The following PBDC1 variants were observed in gnomAD, a reference collection of about 807,000 sequenced individuals.
PBDC1 encodes protein PBDC1.
A neutral mutation model predicts 12.0 loss-of-function variants in PBDC1; 3 were observed. That is an observed-to-expected ratio of 0.25 (90% CI 0.11 to 0.64). The LOEUF is 0.64. Among genes scored for constraint, PBDC1 ranks in the 30% least tolerant of loss-of-function variants. The probability of loss-of-function intolerance (pLI) is 0.84; values close to 1 mark genes in which losing one functional copy is unlikely to be tolerated. For missense variants in PBDC1, 162 were observed against 168.1 expected, an observed-to-expected ratio of 0.96 and a Z score of 0.20; for synonymous variants, 64 against 56.4, an observed-to-expected ratio of 1.13 and a Z score of -0.60.
chrX:76,178,297 C>T lies in PBDC1; in HGVS notation c.*389C>T. 1 of 208,420 alleles carries T rather than the reference C, an allele frequency of 4.8e-6. No homozygotes were observed. The highest frequency in any genetic ancestry group is 6.5e-5 in the Admixed American group (1 of 15,376). The allele number at this position is 208,420 out of a possible 1,213,427, so 17.2% of individuals were successfully genotyped here. ...CATGTCTTATATAAGATAATTTACT[C>T]CTGTTTCTTACTGCTTCTCACTGTT... On this transcript the variant is annotated 3_prime_UTR_variant, in exon 6 of 6. Transcript: ENST00000373358.
In PBDC1 at chrX:76,176,889, G is replaced by A. The variant is rs201428513; in HGVS notation, c.306G>A (p.Arg102=). The A allele has an allele frequency of 3.5e-3, 4,221 of 1,192,520 alleles. 73 individuals carry two copies. The South Asian group carries it at 0.069, about 20-fold the overall frequency. The change falls in exon 5 of 6, where the codon AGG becomes AGA. Residue 102 remains arginine (R), a synonymous_variant. Coordinates refer to ENST00000373358, the MANE Select transcript of PBDC1 (RefSeq NM_016500.5). ...CGTTTTTGCCTTTATAGAAGTGGAG[G>A]CCATTCTGCTTGAAGTTTAATGGGA... is the stretch of plus-strand genomic sequence containing the variant. The part of the protein sequence containing the change: ...LKSESAKEKW[R]PFCLKFNGIV...
Position 76,177,003 on chromosome X carries a change from T to C in PBDC1, c.409+11T>C. 1 of 1,111,324 alleles carries C rather than the reference T, an allele frequency of 9.0e-7. No homozygotes were observed. Among genetic ancestry groups the C allele is most frequent in the South Asian group, 1.8e-5 (1 of 54,460 alleles). 91.6% of individuals were successfully genotyped at this position (1,111,324 alleles called of 1,213,427 possible). ...AAAACACCATCTTTGGTGAGTTTCTTCCCTCTGGAATTGTTTCTGTGTAAG... is the reference window on the plus strand; with the variant it reads ...AAAACACCATCTTTGGTGAGTTTCTCCCCTCTGGAATTGTTTCTGTGTAAG... On this transcript the variant is annotated intron_variant, in intron 5 of 5. Coordinates refer to ENST00000373358, the MANE Select transcript of PBDC1 (RefSeq NM_016500.5).
At chrX:76,177,060 C>T in intron 5 of PBDC1, 68 bp downstream of exon 5, 1 of 689,501 alleles carries the variant, frequency 1.5e-6, no homozygotes. Context: ...ACTGATGAAT[C>T]AGTGATGTGT....
rs967877213 is a variant in PBDC1, at chrX:76,178,168, A to C, written c.*260A>C. On this transcript the variant is annotated 3_prime_UTR_variant, in exon 6 of 6. Coordinates refer to ENST00000373358, the MANE Select transcript of PBDC1 (RefSeq NM_016500.5). ...GGCTGACACTACTGGTCAAGTAAGA[A>C]ATTTGTAAATAAATTTCTTTTGGTT... is the stretch of plus-strand genomic sequence containing the variant. The C allele has an allele frequency of 5.2e-5, 19 of 368,019 alleles. No individual in the cohort carries two copies. The Admixed American group carries it at 9.5e-4, about 18-fold the overall frequency. The allele number at this position is 368,019 out of a possible 1,213,427, so 30.3% of individuals were successfully genotyped here.
chrX:76,173,567 C>CT lies in PBDC1; in HGVS notation c.31-13dup. 8.5e-7 allele frequency: 1 copy of CT among 1,181,043 alleles called. No individual in the cohort carries two copies. ...CCGGCCTTGGGGGGAGCCTTGAACT[C>CT]TTTTTCCTCCTTTCTAGGTTTCCGG... On this transcript the variant is annotated splice_polypyrimidine_tract_variant and intron_variant, in intron 1 of 5. Transcript: ENST00000373358.
rs375464603 is a variant in PBDC1 at position 76,175,532 on chromosome X, C to T, written c.216C>T (p.Tyr72=). 51 of 1,204,530 alleles carry T rather than the reference C, an allele frequency of 4.2e-5. No homozygotes were observed. In the African/African-American group the frequency reaches 7.9e-4, roughly 19 times the overall value. The change falls in exon 4 of 6, where the codon TAC becomes TAT. Residue 72 remains tyrosine (Y), a synonymous_variant. Coordinates refer to ENST00000373358, the MANE Select transcript of PBDC1 (RefSeq NM_016500.5). ...LKLTKVDDQI[Y]SEFRKNFETL... Reference sequence around the variant, plus strand: ...TCACCAAAGTAGATGACCAAATTTACTCTGAGTTCCGGAAAAATTTTGAGA... The same window carrying T: ...TCACCAAAGTAGATGACCAAATTTATTCTGAGTTCCGGAAAAATTTTGAGA...
intron 4 of PBDC1, among the ~76,000 whole-genome samples, chrX:76,175,976 C>T (rs782806356): frequency 9.0e-6 from 1 of 111,400 alleles, no homozygotes; most frequent in Non-Finnish European, 1.9e-5. Context: ...CATGTGATTA[C>T]AGGCCATGGG....
Position 76,178,239 on chromosome X carries a change from T to G in PBDC1, c.*331T>G, listed in dbSNP as rs1423854899. ...CTGACTTTAAAAAGGTATTTGACAC[T>G]TGAAATTTTTTTCAAATATGTAATC... On this transcript the variant is annotated 3_prime_UTR_variant, in exon 6 of 6. Coordinates refer to ENST00000373358, the MANE Select transcript of PBDC1 (RefSeq NM_016500.5). The G allele has an allele frequency of 3.4e-6, 1 of 294,978 alleles. No individual in the cohort carries two copies. The highest frequency in any genetic ancestry group is 5.6e-5 in the Admixed American group (1 of 17,828). 24.3% of individuals were successfully genotyped at this position (294,978 alleles called of 1,213,427 possible).
chrX:76,176,753 C>A, intron 4 of PBDC1, 128 bp from the exon 5 acceptor site: 1 of 456,209 alleles, frequency 2.2e-6, no homozygotes, highest in Non-Finnish European at 3.9e-6. Flanking sequence ...ACTGTGAAAC[C>A]AACAATCACC....
chrX:76,174,651 G>C (rs1556796751), intron 2 of PBDC1, among the ~76,000 whole-genome samples: 1 of 112,227 alleles, frequency 8.9e-6, no homozygotes, highest in African/African-American at 3.2e-5. Flanking sequence ...ACTAGCAGCT[G>C]GGAAAAGATA....
intron 1 of PBDC1, 53 bp from the exon 2 acceptor site, chrX:76,173,532 G>A: frequency 1.0e-6 from 1 of 990,055 alleles, no homozygotes; most frequent in Admixed American, 2.6e-5. Context: ...CTTGGGGGGA[G>A]CCACCGCGCC....
chrX:76,176,728 C>T (rs1304494173), intron 4 of PBDC1, among the ~76,000 whole-genome samples, 153 bp from the exon 5 acceptor site: 5 of 111,601 alleles, frequency 4.5e-5, no homozygotes, highest in African/African-American at 1.6e-4. Context: ...AGCACAGAAA[C>T]GCATTGCTAG....
At chrX:76,174,583 T>C (rs1370018749) in intron 2 of PBDC1, among the ~76,000 whole-genome samples, 1 of 112,388 alleles carries the variant, frequency 8.9e-6, no homozygotes, top group Non-Finnish European at 1.9e-5. Flanking sequence ...TTTACAATGA[T>C]TTAACTCAAT....
Position 76,178,009 on chromosome X carries a change from T to C in PBDC1, c.*101T>C. The stretch of plus-strand genomic sequence containing the variant: ...CCCTTTGGTTAAATGTAAATTCTTG[T>C]ACAATTGAAGGATACGCAGAAGGAC... On this transcript the variant is annotated 3_prime_UTR_variant, in exon 6 of 6. Transcript: ENST00000373358. 1 of 1,167,597 alleles carries C rather than the reference T, an allele frequency of 8.6e-7. No individual in the cohort carries two copies. The highest frequency in any genetic ancestry group is 1.1e-6 in the Non-Finnish European group (1 of 876,066).
chrX:76,173,136 A>G lies in PBDC1; in HGVS notation c.-3A>G. The stretch of plus-strand genomic sequence containing the variant: ...AAGGAGCCACGCTTTCGGGGGTTGC[A>G]AGATGGCGGCCACCAGTGGAACTGA... On this transcript the variant is annotated 5_prime_UTR_variant, in exon 1 of 6. Transcript: ENST00000373358. The G allele has an allele frequency of 8.5e-7, 1 of 1,177,329 alleles. No individual in the cohort carries two copies. Among genetic ancestry groups the G allele is most frequent in the Non-Finnish European group, 1.1e-6 (1 of 877,706 alleles).
chrX:76,177,934 A>G lies in PBDC1; in HGVS notation c.*26A>G. ...GGTATACAGGGAACAGCACTCTAGAAGCTATGACTCAATTGAGACTACAAG... is the reference window on the plus strand; with the variant it reads ...GGTATACAGGGAACAGCACTCTAGAGGCTATGACTCAATTGAGACTACAAG... On this transcript the variant is annotated 3_prime_UTR_variant, in exon 6 of 6. Coordinates refer to ENST00000373358, the MANE Select transcript of PBDC1 (RefSeq NM_016500.5). 3.3e-6 allele frequency: 4 copies of G among 1,204,153 alleles called. No individual in the cohort carries two copies. The highest frequency in any genetic ancestry group is 4.5e-6 in the Non-Finnish European group (4 of 892,005).
chrX:76,177,984 C>T lies in PBDC1; in HGVS notation c.*76C>T, dbSNP rs1924835310. The stretch of plus-strand genomic sequence containing the variant: ...GTACCACGGTGCTACTTGCACAGAC[C>T]CCTTTGGTTAAATGTAAATTCTTGT... On this transcript the variant is annotated 3_prime_UTR_variant, in exon 6 of 6. Transcript: ENST00000373358. 1 of 1,178,443 alleles carries T rather than the reference C, an allele frequency of 8.5e-7. No homozygotes were observed. The highest frequency in any genetic ancestry group is 1.8e-5 in the African/African-American group (1 of 55,653).
Position 76,175,562 on chromosome X carries a change from T to C in PBDC1, c.246T>C (p.Leu82=). The C allele has an allele frequency of 8.3e-7, 1 of 1,208,457 alleles. No individual in the cohort carries two copies. The change falls in exon 4 of 6, where the codon CTT becomes CTC. Residue 82 remains leucine (L), a synonymous_variant. Transcript: ENST00000373358. ...YSEFRKNFET[L]RIDVLDPEEL... Reference sequence around the variant, plus strand: ...AGTTCCGGAAAAATTTTGAGACCCTTAGGATAGATGTGTTGGACCCAGAAG... The same window carrying C: ...AGTTCCGGAAAAATTTTGAGACCCTCAGGATAGATGTGTTGGACCCAGAAG...
At chrX:76,176,766 A>C (rs1156545970) in intron 4 of PBDC1, 115 bp from the exon 5 acceptor site, 2 of 495,232 alleles carry the variant, frequency 4.0e-6, no homozygotes, top group African/African-American at 4.7e-5. Flanking sequence ...CAATCACCTC[A>C]ATCCCAGTCT....
Sources: gnomAD v4.1 joint callset for allele counts (sites outside exome capture counted in the v4.1 genomes callset) on GRCh38, gnomAD v4.1.1 for gene constraint, MANE v1.5 for transcripts, NCBI Gene and HGNC (gene_info 2026-07-23, HGNC 2026-07-21) for gene names.